SPTBN1: variants seen among roughly 807,000 people sequenced by gnomAD.
The protein encoded by SPTBN1 is spectrin beta, non-erythrocytic 1.
SPTBN1 carries 32 observed loss-of-function variants against 266.4 expected under a neutral mutation model. That is an observed-to-expected ratio of 0.12 (90% CI 0.09 to 0.16). SPTBN1 has a LOEUF of 0.16. Ranked by LOEUF, SPTBN1 falls within the 10% of genes least tolerant of loss-of-function variation. The pLI is 1.00. For synonymous variants in SPTBN1, 1,336 were observed against 1,162.2 expected (o/e 1.15, Z -3.04); for missense variants, 2,296 against 3,067.1 (o/e 0.75, Z 5.94).
intron 1 of SPTBN1, among the ~76,000 whole-genome samples, chr2:54,475,831 A>G (rs907381009): frequency 3.3e-5 from 5 of 152,186 alleles, no homozygotes; most frequent in African/African-American, 1.2e-4. Context: ...TCTTGTGTCA[A>G]AGGCCTCACC....
At chr2:54,588,470 G>T (rs1675437695) in intron 2 of SPTBN1, among the ~76,000 whole-genome samples, 1 of 152,152 alleles carries the variant, frequency 6.6e-6, no homozygotes, top group South Asian at 2.1e-4. Context: ...TGCCTCAGGT[G>T]CTTTGGGATT....
At chr2:54,636,718 T>A (rs1295873517) in intron 17 of SPTBN1, among the ~76,000 whole-genome samples, 4 of 152,218 alleles carry the variant, frequency 2.6e-5, no homozygotes, top group Non-Finnish European at 4.4e-5. Context: ...AGAGAGAAAT[T>A]GCTCTAAGAA....
rs1055234510 is a variant in SPTBN1 at position 54,645,807 on chromosome 2, G to A, written c.4495-121G>A. Reference sequence around the variant, plus strand: ...GCGTGCTTCCCCAGACAGCCCTCCCGAGGGGGCTGAGCACTCTCTGAAGCT... The same window carrying A: ...GCGTGCTTCCCCAGACAGCCCTCCCAAGGGGGCTGAGCACTCTCTGAAGCT... On this transcript the variant is annotated intron_variant, in intron 21 of 35. Transcript: ENST00000356805. The surrounding 1 kb of genome is among the most constrained non-coding windows in gnomAD (Gnocchi z 4.3). 7.9e-5 allele frequency: 86 copies of A among 1,087,294 alleles called. No individual in the cohort carries two copies. The African/African-American group carries it at 7.9e-4, about 10-fold the overall frequency. The allele number at this position is 1,087,294 out of a possible 1,614,324, so 67.4% of individuals were successfully genotyped here.
At chr2:54,485,627 G>T (rs555075213) in intron 1 of SPTBN1, among the ~76,000 whole-genome samples, 4 of 152,170 alleles carry the variant, frequency 2.6e-5, no homozygotes, top group African/African-American at 9.7e-5. Context: ...TCTGGGAAGC[G>T]AGGAGCGTCT....
At chr2:54,608,063 G>A (rs553486131) in intron 3 of SPTBN1, among the ~76,000 whole-genome samples, 4 of 152,246 alleles carry the variant, frequency 2.6e-5, no homozygotes, top group East Asian at 3.9e-4. Context: ...CCTTAATTGC[G>A]TGTACCTGGG....
In SPTBN1 at chr2:54,671,212, C is replaced by T. The variant is rs113285628; in HGVS notation, c.*2643C>T. The T allele has an allele frequency of 0.016, 2,544 of 158,672 alleles. 42 individuals are homozygous for T. Among genetic ancestry groups the T allele is most frequent in the Non-Finnish European group, 0.023 (1,687 of 72,534 alleles). The allele number at this position is 158,672 out of a possible 1,614,324, so 9.8% of individuals were successfully genotyped here. ...GGGATGCATCTTCTGATGGCACTTC[C>T]GGAACTGGCTGTGGTTTTTTTGGGT... is the stretch of plus-strand genomic sequence containing the variant. On this transcript the variant is annotated 3_prime_UTR_variant, in exon 36 of 36. Transcript: ENST00000356805.
At chr2:54,515,591 G>T (rs1383765679) in intron 1 of SPTBN1, among the ~76,000 whole-genome samples, 2 of 151,966 alleles carry the variant, frequency 1.3e-5, no homozygotes, top group Non-Finnish European at 2.9e-5. Context: ...TAGTGCTTTG[G>T]CATGATCACA....
At chr2:54,506,160 T>TAAAA (rs1396670568) in intron 1 of SPTBN1, among the ~76,000 whole-genome samples, 6 of 136,916 alleles carry the variant, frequency 4.4e-5, no homozygotes, top group South Asian at 2.5e-4. Flanking sequence ...AATAAATAAA[T>TAAAA]AAAATCTGAA....
rs777604672 is a variant in SPTBN1, at chr2:54,629,547, G to A, written c.2413G>A (p.Glu805Lys). The A allele has an allele frequency of 8.7e-6, 14 of 1,614,076 alleles. No individual in the cohort carries two copies. The highest frequency in any genetic ancestry group is 1.0e-5 in the Non-Finnish European group (12 of 1,180,040). The change falls in exon 14 of 36, where the codon GAA (glutamate) becomes AAA (lysine). Residue 805 changes from glutamate (E) to lysine (K), a missense_variant. Physicochemically the swap from Glu to Lys is moderately conservative, Grantham distance 56 (BLOSUM62 1). Coordinates refer to ENST00000356805, the MANE Select transcript of SPTBN1 (RefSeq NM_003128.3). The part of the protein sequence containing the change: ...NYRPTLDTLH[E>K]QASALPQEHA... ...CAGGCCCACCCTTGACACGCTGCAC[G>A]AACAAGCCAGCGCCCTCCCCCAGGA...
At position 54,558,215 on chromosome 2, in the gene SPTBN1, C is replaced by T. The variant is rs939172973; in HGVS notation, c.148+31649C>T. On this transcript the variant is annotated intron_variant, in intron 2 of 35. Transcript: ENST00000356805. This position sits in a 1 kb window ranked among gnomAD's most constrained non-coding sequence, Gnocchi z 4.6. Reference sequence around the variant, plus strand: ...CCGGGCGGCTGGGGCGACCGCGGACCGTGCGGGACCGGTAGGGGGTCGCGG... The same window carrying T: ...CCGGGCGGCTGGGGCGACCGCGGACTGTGCGGGACCGGTAGGGGGTCGCGG... The T allele has an allele frequency of 9.1e-6, 9 of 985,282 alleles. No individual in the cohort carries two copies. Among genetic ancestry groups the T allele is most frequent in the Admixed American group, 6.1e-5 (1 of 16,268 alleles). 61.0% of individuals were successfully genotyped at this position (985,282 alleles called of 1,614,324 possible). A position where few individuals can be genotyped will look rare whatever the true frequency, so the allele number is the denominator to read the frequency against.
chr2:54,551,412 G>T (rs1672556945), intron 2 of SPTBN1, among the ~76,000 whole-genome samples: 1 of 152,268 alleles, frequency 6.6e-6, no homozygotes, highest in Non-Finnish European at 1.5e-5. Flanking sequence ...CAAAGCCAGG[G>T]CCTCTGGACC....
At chr2:54,658,114 G>C (rs1418802061) in intron 30 of SPTBN1, 68 bp downstream of exon 30, 46 of 1,580,642 alleles carry the variant, frequency 2.9e-5, no homozygotes, top group Non-Finnish European at 3.9e-5. Flanking sequence ...TTGCCTCTTA[G>C]ACCAGGGAAT....
At chr2:54,597,257 T>G (rs1425268820) in intron 2 of SPTBN1, among the ~76,000 whole-genome samples, 1 of 152,240 alleles carries the variant, frequency 6.6e-6, no homozygotes, top group Non-Finnish European at 1.5e-5. Flanking sequence ...ACCTGCTCTT[T>G]CAGAATGGCC....
chr2:54,659,376 T>C, intron 31 of SPTBN1, 110 bp downstream of exon 31: 1 of 1,026,340 alleles, frequency 9.7e-7, no homozygotes, highest in Non-Finnish European at 1.5e-6. Flanking sequence ...ATGCCCTGCC[T>C]ACTGATTGCT....
In SPTBN1 at chr2:54,529,487, C is replaced by T. The variant is rs761977935; in HGVS notation, c.148+2921C>T. 2.2e-4 allele frequency: 155 copies of T among 713,926 alleles called. 2 individuals are homozygous for T. The Admixed American group carries it at 2.2e-3, about 10-fold the overall frequency. 44.2% of individuals were successfully genotyped at this position (713,926 alleles called of 1,614,324 possible). A position where few individuals can be genotyped will look rare whatever the true frequency, so the allele number is the denominator to read the frequency against. On this transcript the variant is annotated intron_variant, in intron 2 of 35. Transcript: ENST00000356805. Reference sequence around the variant, plus strand: ...GATCCGCATGTCACCCACCTTCCAGCGGCCCAAGACACTGAGACTCTGGAG... The same window carrying T: ...GATCCGCATGTCACCCACCTTCCAGTGGCCCAAGACACTGAGACTCTGGAG...
chr2:54,502,413 T>G (rs1573287459), intron 1 of SPTBN1, among the ~76,000 whole-genome samples: 1 of 152,036 alleles, frequency 6.6e-6, no homozygotes, highest in South Asian at 2.1e-4. Context: ...CTGTGAAGGG[T>G]TGGTTTACAT....
At position 54,617,550 on chromosome 2, in the gene SPTBN1, A is replaced by C. The variant is rs1245844134; in HGVS notation, c.567-58A>C. On this transcript the variant is annotated intron_variant, in intron 5 of 35. Transcript: ENST00000356805. The stretch of plus-strand genomic sequence containing the variant: ...TTTTATTAACAAAGCACTTGGCAAA[A>C]GTATAAACCTCCATGTGGTAATTGT... The C allele has an allele frequency of 3.2e-6, 5 of 1,556,800 alleles. No individual in the cohort carries two copies. The Admixed American group carries it at 6.8e-5, about 21-fold the overall frequency.
chr2:54,485,564 GCCTTGGCCTC>G (rs1386821247), intron 1 of SPTBN1, among the ~76,000 whole-genome samples: 1 of 152,192 alleles, frequency 6.6e-6, no homozygotes, highest in East Asian at 1.9e-4. Context: ...CCAGCCGCCT[GCCTTGGCCTC>G]CCAAAGTGCC....
At chr2:54,652,856 G>A (rs1426862495) in intron 26 of SPTBN1, 1 of 148,614 alleles carries the variant, frequency 6.7e-6, no homozygotes, top group Non-Finnish European at 1.5e-5. Flanking sequence ...CAGTTTCTGT[G>A]TTGGTTTGTT....
Sources: allele counts gnomAD v4.1 joint callset (sites outside exome capture counted in the v4.1 genomes callset), GRCh38; gene constraint gnomAD v4.1.1; non-coding constraint Gnocchi (gnomAD v3.1); transcripts MANE v1.5; gene names NCBI Gene and HGNC (gene_info 2026-07-23, HGNC 2026-07-21).